The following FLCN variants were observed in gnomAD, a reference collection of about 807,000 sequenced individuals.
FLCN encodes the protein BHD skin lesion fibrofolliculoma protein.
In FLCN, 22 loss-of-function variants were observed where a neutral mutation model predicts 62.5. The ratio of observed to expected loss-of-function variants is 0.35; its 90% CI spans 0.25 to 0.50. The LOEUF (loss-of-function observed/expected upper bound fraction) is 0.50, where lower values mean the gene tolerates loss of function less well. Among genes scored for constraint, FLCN ranks in the 20% least tolerant of loss-of-function variants. FLCN has a pLI of 0.97. For synonymous variants in FLCN, 319 were observed against 310.0 expected (o/e 1.03, Z -0.30); for missense variants, 657 against 778.0 (o/e 0.84, Z 1.85).
At chr17:17,221,477 A>G (rs1178964631) in intron 8 of FLCN, 60 bp downstream of exon 8, 11 of 1,613,930 alleles carry the variant, frequency 6.8e-6, no homozygotes, top group Middle Eastern at 1.6e-4. Flanking sequence ...GAGAGCAGAC[A>G]GCTGGTACCG....
At position 17,216,975 on chromosome 17, in the gene FLCN, C is replaced by T. The variant is rs1351734892; in HGVS notation, c.1176+94G>A. The T allele has an allele frequency of 3.3e-6, 3 of 919,882 alleles. No individual in the cohort carries two copies. The highest frequency in any genetic ancestry group is 2.5e-5 in the East Asian group (1 of 40,406). The allele number at this position is 919,882 out of a possible 1,614,324, so 57.0% of individuals were successfully genotyped here. On this transcript the variant is annotated intron_variant, in intron 10 of 13. Transcript: ENST00000285071. This position sits in a 1 kb window ranked among gnomAD's most constrained non-coding sequence, Gnocchi z 4.0. ...CCGTGTGGTGCACAGCGGTTCTGTG[C>T]TGGGCAGTCGGTGCACCTTGGCATC...
In FLCN at chr17:17,213,663, G is replaced by A. The variant is rs775107483; in HGVS notation, c.1732C>T (p.Arg578Trp). The change falls in exon 14 of 14, where the codon CGG (arginine) becomes TGG (tryptophan). Residue 578 changes from arginine (R) to tryptophan (W), a missense_variant. Arg to Trp is a moderately radical substitution (Grantham distance 101). Transcript: ENST00000285071. ...CAGGTGTGTGTGACGGGTCAGTTCC[G>A]AGACTCCGAGGCTGTGGGGCTGCGG... ...TVRSPTASES[R>W]N 4 of 1,613,972 alleles carry A rather than the reference G, an allele frequency of 2.5e-6. No individual in the cohort carries two copies. Among genetic ancestry groups the A allele is most frequent in the African/African-American group, 2.7e-5 (2 of 74,888 alleles).
intron 8 of FLCN, chr17:17,221,091 C>T: frequency 8.0e-7 from 1 of 1,251,168 alleles, no homozygotes; most frequent in South Asian, 1.6e-5. Flanking sequence ...GGCCCCAAGC[C>T]CCAGATCAGG....
chr17:17,219,538 A>T, intron 8 of FLCN: 1 of 248,448 alleles, frequency 4.0e-6, no homozygotes, highest in Non-Finnish European at 7.8e-6. Context: ...GTTCTCGAGG[A>T]TCTACACGTT....
Position 17,216,269 on chromosome 17 carries a change from C to T in FLCN, c.1300+111G>A. The T allele has an allele frequency of 6.7e-7, 1 of 1,493,970 alleles. No individual in the cohort carries two copies. The allele number at this position is 1,493,970 out of a possible 1,614,324, so 92.5% of individuals were successfully genotyped here. ...AGAGCCATGGGGGAAGCTGGCCCTG[C>T]AATGAGGCCTCCTCTCCACAACCCA... On this transcript the variant is annotated intron_variant, in intron 11 of 13. Transcript: ENST00000285071. This position sits in a 1 kb window ranked among gnomAD's most constrained non-coding sequence, Gnocchi z 4.0.
chr17:17,232,762 C>G (rs1450223388), intron 2 of FLCN, 26 bp downstream of exon 2: 5 of 152,612 alleles, frequency 3.3e-5, no homozygotes, highest in African/African-American at 9.7e-5. Flanking sequence ...CAAGTCTCAG[C>G]CCACCTGCAG....
At chr17:17,227,098 T>C (rs2047273415) in intron 4 of FLCN, among the ~76,000 whole-genome samples, 1 of 152,042 alleles carries the variant, frequency 6.6e-6, no homozygotes, top group Non-Finnish European at 1.5e-5. Context: ...TGGATGCAGC[T>C]CTTACACGTC....
In FLCN at chr17:17,213,546, G is replaced by C; in HGVS notation, c.*109C>G. On this transcript the variant is annotated 3_prime_UTR_variant, in exon 14 of 14. Transcript: ENST00000285071. ...CCCTGATGGTTTCCCTTCCTTGCTG[G>C]GACACAGCTCCTTCCAGCAGTTGAG... 6.8e-7 allele frequency: 1 copy of C among 1,466,948 alleles called. No homozygotes were observed. Among genetic ancestry groups the C allele is most frequent in the Middle Eastern group, 2.2e-4 (1 of 4,468 alleles). The allele number at this position is 1,466,948 out of a possible 1,614,324, so 90.9% of individuals were successfully genotyped here. A position where few individuals can be genotyped will look rare whatever the true frequency, so the allele number is the denominator to read the frequency against.
At chr17:17,214,740 GCCTCA>G (rs2144827338) in intron 13 of FLCN, among the ~76,000 whole-genome samples, 1 of 152,256 alleles carries the variant, frequency 6.6e-6, no homozygotes, top group East Asian at 1.9e-4. Flanking sequence ...CCTTGCCCAA[GCCTCA>G]GTCGCTCTCC....
rs2046916136 is a variant in FLCN at position 17,216,285 on chromosome 17, C to G, written c.1300+95G>C. On this transcript the variant is annotated intron_variant, in intron 11 of 13. Transcript: ENST00000285071. The surrounding 1 kb of genome is among the most constrained non-coding windows in gnomAD (Gnocchi z 4.0). ...CTGGCCCTGCAATGAGGCCTCCTCT[C>G]CACAACCCATGACAGAGATCTGGTT... is the stretch of plus-strand genomic sequence containing the variant. 5 of 1,565,634 alleles carry G rather than the reference C, an allele frequency of 3.2e-6. No individual in the cohort carries two copies. In the East Asian group the frequency reaches 1.1e-4, roughly 35 times the overall value.
At chr17:17,224,293 A>G in intron 5 of FLCN, 150 bp from the exon 6 acceptor site, 3 of 720,174 alleles carry the variant, frequency 4.2e-6, no homozygotes, top group Non-Finnish European at 4.9e-6. Context: ...TGAGAGCCGA[A>G]GACTGTACTC....
At chr17:17,217,506 C>T in intron 9 of FLCN, 1 of 386,832 alleles carries the variant, frequency 2.6e-6, no homozygotes, top group Non-Finnish European at 4.9e-6. Context: ...TCTGCTGAAC[C>T]ATTTGAAAGC....
At chr17:17,223,795 TCA>T in intron 6 of FLCN, 125 bp downstream of exon 6, 1 of 954,466 alleles carries the variant, frequency 1.0e-6, no homozygotes, top group Non-Finnish European at 1.6e-6. Flanking sequence ...AGACTACAAT[TCA>T]CACAGTGCAC....
At chr17:17,217,384 G>A in intron 9 of FLCN, 1 of 611,080 alleles carries the variant, frequency 1.6e-6, no homozygotes, top group South Asian at 1.9e-5. Flanking sequence ...GCACATAAAT[G>A]CTAGATTCCA....
intron 2 of FLCN, 85 bp downstream of exon 2, chr17:17,232,703 G>C (rs1225407967): frequency 6.6e-6 from 1 of 152,500 alleles, no homozygotes; most frequent in East Asian, 1.9e-4. Context: ...CAGGGGAAGA[G>C]AAATAAGGTT....
intron 3 of FLCN, among the ~76,000 whole-genome samples, chr17:17,231,105 C>T (rs563892817): frequency 5.9e-5 from 9 of 151,684 alleles, no homozygotes; most frequent in Non-Finnish European, 8.8e-5. Flanking sequence ...GAGGCTGAGG[C>T]GGGAGAATTG....
chr17:17,216,580 AC>A lies in FLCN; in HGVS notation c.1177-78del. The A allele has an allele frequency of 6.3e-7, 1 of 1,591,904 alleles. No homozygotes were observed. On this transcript the variant is annotated intron_variant, in intron 10 of 13. Transcript: ENST00000285071. This position sits in a 1 kb window ranked among gnomAD's most constrained non-coding sequence, Gnocchi z 4.0. ...CGGCCATCCATGCTCTACTACCCAA[AC>A]CCCACACGCCTCCTGCAGCCCGGTC... is the stretch of plus-strand genomic sequence containing the variant.
In FLCN at chr17:17,219,170, G is replaced by A. The variant is rs2047014907; in HGVS notation, c.911C>T (p.Ala304Val). 1 of 1,614,134 alleles carries A rather than the reference G, an allele frequency of 6.2e-7. No individual in the cohort carries two copies. The highest frequency in any genetic ancestry group is 8.5e-7 in the Non-Finnish European group (1 of 1,180,034). ...CACAGGGGCTTTCTCCTCCTCTTCA[G>A]CCTCAGAGTTGTCCCAGCTTTCTGA... ...EESESWDNSE[A>V]EEEEKAPVLP... The change falls in exon 9 of 14, where the codon GCT (alanine) becomes GTT (valine). Residue 304 changes from alanine (A) to valine (V), a missense_variant. Transcript: ENST00000285071.
intron 9 of FLCN, among the ~76,000 whole-genome samples, chr17:17,217,946 C>T (rs2046974130): frequency 6.6e-6 from 1 of 152,198 alleles, no homozygotes; most frequent in Non-Finnish European, 1.5e-5. Context: ...CCCCTTCCAA[C>T]CTTCATCAAC....
Sources: allele counts gnomAD v4.1 joint callset (sites outside exome capture counted in the v4.1 genomes callset), GRCh38; gene constraint gnomAD v4.1.1; non-coding constraint Gnocchi (gnomAD v3.1); transcripts MANE v1.5; gene names NCBI Gene and HGNC (gene_info 2026-07-23, HGNC 2026-07-21).